AFF3: variants seen among roughly 807,000 people sequenced by gnomAD.
AFF3 encodes the protein ALF transcription elongation factor 3.
In AFF3, 32 loss-of-function variants were observed where a neutral mutation model predicts 129.7. The ratio of observed to expected loss-of-function variants is 0.25; its 90% CI spans 0.19 to 0.33. The LOEUF (loss-of-function observed/expected upper bound fraction) is 0.33. Ranked by LOEUF, AFF3 falls within the 10% of genes least tolerant of loss-of-function variation. The pLI is 1.00. For missense variants in AFF3, 1,373 were observed against 1,592.0 expected, an observed-to-expected ratio of 0.86 and a Z score of 2.34; for synonymous variants, 644 against 635.4, an observed-to-expected ratio of 1.01 and a Z score of -0.20.
chr2:99,825,005 T>C (rs891371941), intron 8 of AFF3, among the ~76,000 whole-genome samples: 5 of 152,158 alleles, frequency 3.3e-5, no homozygotes, highest in Non-Finnish European at 7.3e-5. Flanking sequence ...CAAATAAATA[T>C]GGGAGCATGC....
intron 8 of AFF3, among the ~76,000 whole-genome samples, chr2:99,832,504 C>T (rs982645083): frequency 1.7e-4 from 26 of 152,208 alleles, no homozygotes; most frequent in African/African-American, 5.1e-4. Context: ...AAGCTGTTGG[C>T]CACAGCTTGC....
chr2:100,120,507 C>A (rs185696669), intron 2 of AFF3, among the ~76,000 whole-genome samples: 10 of 148,500 alleles, frequency 6.7e-5, no homozygotes, highest in African/African-American at 2.6e-4. Flanking sequence ...CAACCAAAAG[C>A]CTGTAGCCAA....
intron 4 of AFF3, among the ~76,000 whole-genome samples, chr2:100,028,385 T>G (rs1011735981): frequency 2.6e-5 from 4 of 152,112 alleles, no homozygotes; most frequent in Non-Finnish European, 5.9e-5. Context: ...AGGGGCAAAC[T>G]AGAAGAAACC....
At chr2:100,031,008 G>A (rs1426084301) in intron 4 of AFF3, among the ~76,000 whole-genome samples, 1 of 152,090 alleles carries the variant, frequency 6.6e-6, no homozygotes. Context: ...GGAAATCCCA[G>A]GAAGAAAAGC....
In AFF3 at chr2:99,764,298, G is replaced by A. The variant is rs189593394; in HGVS notation, c.922-11997C>T. Among the ~76,000 whole-genome samples, 515 of 152,140 alleles carry A rather than the reference G, an allele frequency of 3.4e-3. 5 individuals carry two copies. The highest frequency in any genetic ancestry group is 0.01 in the Middle Eastern group (3 of 294). ...CACCTCCTTGACTTCAGCTTCCCTG[G>A]AAACTGAACTCTCCACAGAGAGGAT... On this transcript the variant is annotated intron_variant, in intron 8 of 24. Transcript: ENST00000672756.
intron 4 of AFF3, among the ~76,000 whole-genome samples, chr2:100,010,978 T>C (rs1682472571): frequency 6.6e-6 from 1 of 152,098 alleles, no homozygotes; most frequent in Non-Finnish European, 1.5e-5. Flanking sequence ...CACCTGCAGT[T>C]AGAAAACAAA....
chr2:100,076,919 C>T (rs1172142624), intron 4 of AFF3, among the ~76,000 whole-genome samples: 1 of 152,146 alleles, frequency 6.6e-6, no homozygotes, highest in East Asian at 1.9e-4. Context: ...AATGTGTTCC[C>T]TTCTATGACT....
At chr2:99,827,238 T>G (rs1239217959) in intron 8 of AFF3, among the ~76,000 whole-genome samples, 1 of 152,038 alleles carries the variant, frequency 6.6e-6, no homozygotes, top group Non-Finnish European at 1.5e-5. Flanking sequence ...ACCATGGAAG[T>G]ACAGCATCTA....
At chr2:99,788,441 T>C (rs1684964316) in intron 8 of AFF3, among the ~76,000 whole-genome samples, 1 of 152,178 alleles carries the variant, frequency 6.6e-6, no homozygotes, top group Non-Finnish European at 1.5e-5. Flanking sequence ...GCTGTGCCTT[T>C]GATTTTAGCC....
At chr2:99,858,099 C>A (rs1021586784) in intron 7 of AFF3, among the ~76,000 whole-genome samples, 3 of 152,110 alleles carry the variant, frequency 2.0e-5, no homozygotes, top group Non-Finnish European at 4.4e-5. Context: ...TGAACTCCCA[C>A]CATCATCATG....
chr2:99,905,580 T>C (rs933863327), intron 7 of AFF3, among the ~76,000 whole-genome samples: 1 of 152,228 alleles, frequency 6.6e-6, no homozygotes. Flanking sequence ...CTGTGTTTAT[T>C]CCTAGCTTCC....
intron 7 of AFF3, among the ~76,000 whole-genome samples, chr2:99,961,934 C>G (rs1414046847): frequency 6.6e-6 from 1 of 152,114 alleles, no homozygotes; most frequent in Non-Finnish European, 1.5e-5. Flanking sequence ...AGATGAAGCA[C>G]TCTCCTACCT....
chr2:99,971,448 T>G (rs1184057017), intron 7 of AFF3, among the ~76,000 whole-genome samples: 1 of 152,226 alleles, frequency 6.6e-6, no homozygotes, highest in African/African-American at 2.4e-5. Flanking sequence ...GACTCTCAAA[T>G]TCTCTACAAT....
intron 7 of AFF3, among the ~76,000 whole-genome samples, chr2:99,857,710 T>C (rs1576202222): frequency 6.6e-6 from 1 of 152,314 alleles, no homozygotes; most frequent in East Asian, 1.9e-4. Context: ...CAATTCAACC[T>C]TGGTCCTAAA....
rs370399956 is a variant in AFF3 at position 99,601,634 on chromosome 2, G to A, written c.1185-13C>T. Reference sequence around the variant, plus strand: ...CTGGACCACGGCGCTGCCAGCCCGCGAGGCCCCCGGGAAGCAGAGGGAAGG... The same window carrying A: ...CTGGACCACGGCGCTGCCAGCCCGCAAGGCCCCCGGGAAGCAGAGGGAAGG... On this transcript the variant is annotated splice_polypyrimidine_tract_variant and intron_variant, in intron 13 of 24. Coordinates refer to ENST00000672756, the MANE Select transcript of AFF3 (RefSeq NM_001386135.1). 5.6e-4 allele frequency: 887 copies of A among 1,586,054 alleles called. 9 individuals carry two copies. In the South Asian group the frequency reaches 7.6e-3, roughly 14 times the overall value.
chr2:100,067,563 C>T (rs918015478), intron 4 of AFF3, among the ~76,000 whole-genome samples: 10 of 152,130 alleles, frequency 6.6e-5, no homozygotes, highest in African/African-American at 2.4e-4. Flanking sequence ...TAAAAGCATG[C>T]TTGAAGAAGA....
chr2:99,670,095 C>T (rs1460818540), intron 12 of AFF3, among the ~76,000 whole-genome samples: 6 of 152,158 alleles, frequency 3.9e-5, no homozygotes, highest in African/African-American at 4.8e-5. Context: ...GAGGCTGGGC[C>T]AAGGTTGCAA....
At chr2:99,963,668 A>G (rs112105795) in intron 7 of AFF3, among the ~76,000 whole-genome samples, 11 of 152,214 alleles carry the variant, frequency 7.2e-5, no homozygotes, top group African/African-American at 2.6e-4. Flanking sequence ...AAAACAAATC[A>G]ACACAGAACC....
intron 11 of AFF3, among the ~76,000 whole-genome samples, chr2:99,697,278 C>T (rs1055906504): frequency 6.6e-6 from 1 of 152,204 alleles, no homozygotes; most frequent in East Asian, 1.9e-4. Flanking sequence ...CTGGGCAGCA[C>T]GGCAGGTGGG....
Sources: gnomAD v4.1 joint callset for allele counts (sites outside exome capture counted in the v4.1 genomes callset) on GRCh38, gnomAD v4.1.1 for gene constraint, MANE v1.5 for transcripts, NCBI Gene and HGNC (gene_info 2026-07-23, HGNC 2026-07-21) for gene names.